Variants in PRMT9 observed in about 807,000 individuals in gnomAD.
PRMT9 encodes protein arginine methyltransferase 9.
Under a neutral mutation model 83.2 loss-of-function variants are expected in PRMT9, and 59 were observed. That is an observed-to-expected ratio of 0.71 (90% CI 0.57 to 0.88). The LOEUF is 0.88. Ranked by LOEUF, PRMT9 falls within the 40% of genes least tolerant of loss-of-function variation. PRMT9 has a pLI of 0.00. For synonymous variants in PRMT9, 333 were observed against 353.2 expected (o/e 0.94, Z 0.64); for missense variants, 947 against 1,021.9 (o/e 0.93, Z 1.00).
chr4:147,661,227 TA>T, intron 6 of PRMT9, 189 bp from the exon 7 acceptor site: 3 of 495,252 alleles, frequency 6.1e-6, no homozygotes, highest in Non-Finnish European at 1.0e-5. Flanking sequence ...CAACTATAAA[TA>T]GGTCTATAAT....
chr4:147,674,089 GACAA>G (rs1735914645), intron 2 of PRMT9, among the ~76,000 whole-genome samples: 1 of 152,220 alleles, frequency 6.6e-6, no homozygotes, highest in Admixed American at 6.5e-5. Flanking sequence ...TATTCCGGGA[GACAA>G]ACAAGTACCT....
intron 6 of PRMT9, among the ~76,000 whole-genome samples, chr4:147,661,647 G>A (rs894995203): frequency 3.9e-5 from 6 of 151,942 alleles, no homozygotes; most frequent in East Asian, 1.9e-4. Context: ...AAGATTAGCC[G>A]GGCGTGTTGG....
intron 6 of PRMT9, among the ~76,000 whole-genome samples, chr4:147,664,227 G>A (rs886302223): frequency 3.3e-5 from 5 of 152,216 alleles, no homozygotes; most frequent in African/African-American, 1.2e-4. Context: ...AGGATCACTT[G>A]AGCTTGGGAG....
Position 147,661,011 on chromosome 4 carries a change from G to A in PRMT9, c.981C>T (p.Ile327=). The change falls in exon 7 of 12, where the codon ATC becomes ATT. Residue 327 remains isoleucine, a synonymous_variant. Coordinates refer to ENST00000322396, the MANE Select transcript of PRMT9 (RefSeq NM_138364.4). The part of the protein sequence containing the change: ...HRVGIKDIAG[I]HLPTNVKFQS... ...GAAATTTCACATTTGTTGGCAAATG[G>A]ATACCAGCAATGTCCTTAATACCCA... is the stretch of plus-strand genomic sequence containing the variant. 6.2e-7 allele frequency: 1 copy of A among 1,612,162 alleles called. No individual in the cohort carries two copies. The highest frequency in any genetic ancestry group is 8.5e-7 in the Non-Finnish European group (1 of 1,178,388).
At chr4:147,683,734 T>TATA in intron 1 of PRMT9, 65 bp downstream of exon 1, 2 of 708,174 alleles carry the variant, frequency 2.8e-6, no homozygotes, top group Non-Finnish European at 4.3e-6. Flanking sequence ...TTTTTTTTTC[T>TATA]GTTTTTTTTT....
chr4:147,673,627 T>C lies in PRMT9; in HGVS notation c.575+11A>G. 1 of 1,517,908 alleles carries C rather than the reference T, an allele frequency of 6.6e-7. No individual in the cohort carries two copies. The highest frequency in any genetic ancestry group is 1.1e-5 in the South Asian group (1 of 89,018). 94.0% of individuals were successfully genotyped at this position (1,517,908 alleles called of 1,614,324 possible). A position where few individuals can be genotyped will look rare whatever the true frequency, so the allele number is the denominator to read the frequency against. On this transcript the variant is annotated intron_variant, in intron 3 of 11. Transcript: ENST00000322396. Reference sequence around the variant, plus strand: ...ACATGTATATACCATTAAAATGCAATTACTACCAACCTTAGTATTCCAGTT... The same window carrying C: ...ACATGTATATACCATTAAAATGCAACTACTACCAACCTTAGTATTCCAGTT...
chr4:147,646,615 AAAAAAT>A (rs1247552832), intron 9 of PRMT9, among the ~76,000 whole-genome samples: 6 of 151,920 alleles, frequency 3.9e-5, no homozygotes, highest in Middle Eastern at 3.4e-3. Context: ...GCCTGCCTAA[AAAAAAT>A]AAAAATAAAA....
At chr4:147,671,023 C>G (rs909314793) in intron 4 of PRMT9, among the ~76,000 whole-genome samples, 1 of 152,058 alleles carries the variant, frequency 6.6e-6, no homozygotes, top group Non-Finnish European at 1.5e-5. Flanking sequence ...CTTGTTCTCT[C>G]TCCAGGCTAT....
At chr4:147,645,094 A>C (rs1445041474) in intron 9 of PRMT9, among the ~76,000 whole-genome samples, 1 of 152,198 alleles carries the variant, frequency 6.6e-6, no homozygotes, top group Non-Finnish European at 1.5e-5. Flanking sequence ...CATTTCACCA[A>C]CACATTTTTT....
In PRMT9 at chr4:147,639,004, C is replaced by T; in HGVS notation, c.2278G>A (p.Asp760Asn). The T allele has an allele frequency of 1.2e-6, 2 of 1,612,540 alleles. No individual in the cohort carries two copies. The highest frequency in any genetic ancestry group is 1.7e-6 in the Non-Finnish European group (2 of 1,178,742). Residue 760 changes from aspartate (D) to asparagine (N), a missense_variant, in exon 11 of 12, where the codon GAT (aspartate) becomes AAT (asparagine). Coordinates refer to ENST00000322396, the MANE Select transcript of PRMT9 (RefSeq NM_138364.4). ...GTGTTCAAATACGGAGTCATTAAAT[C>T]TAGTCTTAAGAGTTCCACTGGCTTG... ...LSKPVELLRL[D>N]LMTPYLNTSN...
chr4:147,660,828 T>G lies in PRMT9; in HGVS notation c.1146+18A>C. On this transcript the variant is annotated intron_variant, in intron 7 of 11. Coordinates refer to ENST00000322396, the MANE Select transcript of PRMT9 (RefSeq NM_138364.4). ...CATGAAATTTAATGCTTGAAAATAG[T>G]AACTGAATTTTTTTCACCTGAAGGT... 1.3e-6 allele frequency: 2 copies of G among 1,555,724 alleles called. No individual in the cohort carries two copies. The highest frequency in any genetic ancestry group is 1.8e-6 in the Non-Finnish European group (2 of 1,127,016).
intron 8 of PRMT9, 137 bp from the exon 9 acceptor site, chr4:147,654,703 CA>C: frequency 1.5e-6 from 1 of 650,728 alleles, no homozygotes; most frequent in East Asian, 2.7e-5. Flanking sequence ...ATTTAATATA[CA>C]AAAAACTAGG....
intron 2 of PRMT9, among the ~76,000 whole-genome samples, chr4:147,677,043 CAA>C (rs1176356042): frequency 1.2e-4 from 7 of 56,568 alleles, no homozygotes; most frequent in East Asian, 3.9e-4. Flanking sequence ...GACTCCGTCT[CAA>C]AAAAAAAAAA....
At position 147,654,441 on chromosome 4, in the gene PRMT9, G is replaced by C; in HGVS notation, c.1456C>G (p.Gln486Glu). 6.2e-7 allele frequency: 1 copy of C among 1,613,940 alleles called. No homozygotes were observed. The highest frequency in any genetic ancestry group is 8.5e-7 in the Non-Finnish European group (1 of 1,179,972). Residue 486 changes from glutamine to glutamate, a missense_variant, in exon 9 of 12, where the codon CAG (glutamine) becomes GAG (glutamate). Physicochemically the swap from Gln to Glu is conservative, Grantham distance 29. Transcript: ENST00000322396. The part of the protein sequence containing the change: ...CEMDVAKSFT[Q>E]NKDLLSLGNE... Reference sequence around the variant, plus strand: ...CCTAACGATAACAAGTCTTTATTCTGGGTAAAACTTTTTGCAACATCCATT... The same window carrying C: ...CCTAACGATAACAAGTCTTTATTCTCGGTAAAACTTTTTGCAACATCCATT...
intron 9 of PRMT9, among the ~76,000 whole-genome samples, chr4:147,651,782 T>C (rs1461012771): frequency 2.0e-5 from 3 of 152,130 alleles, no homozygotes; most frequent in Non-Finnish European, 2.9e-5. Flanking sequence ...GTTAAACTCA[T>C]AGAAACAGAA....
chr4:147,660,603 C>T (rs1734885476), intron 7 of PRMT9, among the ~76,000 whole-genome samples: 1 of 152,038 alleles, frequency 6.6e-6, no homozygotes, highest in Non-Finnish European at 1.5e-5. Context: ...GCACTCCAGC[C>T]TGGGTGACAG....
rs1736382469 is a variant in PRMT9 at position 147,680,378 on chromosome 4, C to T, written c.283G>A (p.Glu95Lys). 3 of 1,614,000 alleles carry T rather than the reference C, an allele frequency of 1.9e-6. No individual in the cohort carries two copies. Among genetic ancestry groups the T allele is most frequent in the South Asian group, 1.1e-5 (1 of 91,086 alleles). ...DLLGCYEQALELFPDDEVICN... is the reference protein window; with the variant it reads ...DLLGCYEQALKLFPDDEVICN... ...ATCACTTCATCATCAGGAAACAGTT[C>T]CAAGGCCTGCTCATAGCAACCAAGT... is the stretch of plus-strand genomic sequence containing the variant. Residue 95 changes from glutamate to lysine, a missense_variant, in exon 2 of 12, where the codon GAA (glutamate) becomes AAA (lysine). Coordinates refer to ENST00000322396, the MANE Select transcript of PRMT9 (RefSeq NM_138364.4).
At position 147,683,918 on chromosome 4, in the gene PRMT9, G is replaced by A. The variant is rs1359241513; in HGVS notation, c.70C>T (p.Leu24=). Residue 24 remains leucine (L), a synonymous_variant, in exon 1 of 12, where the codon CTG becomes TTG. Transcript: ENST00000322396. Reference sequence around the variant, plus strand: ...GCGCTCTGCAAGGACCGCGACACCAGCTCGTCCCGGCCGGCTGCCCCAGCG... The same window carrying A: ...GCGCTCTGCAAGGACCGCGACACCAACTCGTCCCGGCCGGCTGCCCCAGCG... ...GGAGAAGRDE[L]VSRSLQSAEH... The A allele has an allele frequency of 1.2e-6, 2 of 1,613,024 alleles. No homozygotes were observed. The highest frequency in any genetic ancestry group is 1.3e-5 in the African/African-American group (1 of 74,936).
At chr4:147,655,101 T>C (rs1734394705) in intron 8 of PRMT9, among the ~76,000 whole-genome samples, 1 of 152,232 alleles carries the variant, frequency 6.6e-6, no homozygotes, top group Admixed American at 6.5e-5. Context: ...CTTCAAAGTA[T>C]AAGGAAGAAC....
Sources: gnomAD v4.1 joint callset for allele counts (sites outside exome capture counted in the v4.1 genomes callset) on GRCh38, gnomAD v4.1.1 for gene constraint, MANE v1.5 for transcripts, NCBI Gene and HGNC (gene_info 2026-07-23, HGNC 2026-07-21) for gene names.